FAM169A: variants seen among roughly 807,000 people sequenced by gnomAD.
FAM169A encodes soluble lamin-associated protein of 75 kDa.
FAM169A carries 24 observed loss-of-function variants against 75.7 expected under a neutral mutation model. That is an observed-to-expected ratio of 0.32 (90% CI 0.23 to 0.45). The LOEUF (loss-of-function observed/expected upper bound fraction) is 0.45, where lower values mean the gene tolerates loss of function less well. Ranked by LOEUF, FAM169A falls within the 20% of genes least tolerant of loss-of-function variation. The probability of loss-of-function intolerance (pLI) is 1.00; values close to 1 mark genes in which losing one functional copy is unlikely to be tolerated. For missense variants in FAM169A, 673 were observed against 784.0 expected (o/e 0.86, Z 1.69); for synonymous variants, 271 against 271.0 (o/e 1.00, Z 0.00).
chr5:74,811,375 C>G (rs1561301800), intron 6 of FAM169A, among the ~76,000 whole-genome samples: 1 of 152,152 alleles, frequency 6.6e-6, no homozygotes, highest in Non-Finnish European at 1.5e-5. Flanking sequence ...CAGTGGATGT[C>G]TTTGCATCTC....
At chr5:74,813,618 G>A (rs977441335) in intron 6 of FAM169A, among the ~76,000 whole-genome samples, 4 of 152,116 alleles carry the variant, frequency 2.6e-5, no homozygotes, top group African/African-American at 9.7e-5. Context: ...GAGCCACTGT[G>A]CCCGGCAATT....
At position 74,796,195 on chromosome 5, in the gene FAM169A, C is replaced by A. The variant is rs1231585210; in HGVS notation, c.1104-9G>T. ...GTGCAGTAGACTCCAATCTAAAAAACAAAAGAAAACCATTCTGACTTGTTT... is the reference window on the plus strand; with the variant it reads ...GTGCAGTAGACTCCAATCTAAAAAAAAAAAGAAAACCATTCTGACTTGTTT... On this transcript the variant is annotated splice_polypyrimidine_tract_variant and intron_variant, in intron 10 of 12. Transcript: ENST00000687041. The A allele has an allele frequency of 6.3e-7, 1 of 1,593,290 alleles. No individual in the cohort carries two copies. The highest frequency in any genetic ancestry group is 1.4e-5 in the African/African-American group (1 of 73,690).
chr5:74,786,548 G>A (rs1455951091), intron 11 of FAM169A, among the ~76,000 whole-genome samples: 1 of 152,170 alleles, frequency 6.6e-6, no homozygotes, highest in Non-Finnish European at 1.5e-5. Context: ...AAGAAGTTTG[G>A]TGACTCTAAA....
chr5:74,824,061 G>A (rs1247135702), intron 5 of FAM169A, among the ~76,000 whole-genome samples: 2 of 151,980 alleles, frequency 1.3e-5, no homozygotes, highest in Admixed American at 1.3e-4. Flanking sequence ...AGTAAATGTG[G>A]ACAAGAAAAA....
At chr5:74,829,927 C>G (rs1337836389) in intron 5 of FAM169A, among the ~76,000 whole-genome samples, 1 of 151,902 alleles carries the variant, frequency 6.6e-6, no homozygotes, top group Admixed American at 6.6e-5. Flanking sequence ...TAGCCGAGGT[C>G]GTGCCACTGT....
At chr5:74,827,298 T>C (rs940053268) in intron 5 of FAM169A, among the ~76,000 whole-genome samples, 4 of 152,136 alleles carry the variant, frequency 2.6e-5, no homozygotes, top group African/African-American at 9.6e-5. Context: ...CTATAATCAA[T>C]CTGGTAACTG....
chr5:74,805,058 A>G, intron 7 of FAM169A, 98 bp downstream of exon 7: 1 of 987,088 alleles, frequency 1.0e-6, no homozygotes, highest in Non-Finnish European at 1.6e-6. Flanking sequence ...CACAACCATT[A>G]TTAGCCTCTG....
At chr5:74,809,349 C>T (rs1469779035) in intron 6 of FAM169A, among the ~76,000 whole-genome samples, 2 of 151,846 alleles carry the variant, frequency 1.3e-5, no homozygotes, top group Non-Finnish European at 2.9e-5. Flanking sequence ...AATCTCAGCA[C>T]TTTGGGAGGC....
At position 74,789,945 on chromosome 5, in the gene FAM169A, T is replaced by C. The variant is rs573048936; in HGVS notation, c.1260+6085A>G. 1.2e-4 allele frequency among the ~76,000 whole-genome samples: 18 copies of C among 152,354 alleles called. 1 individual carries two copies. In the South Asian group the frequency reaches 3.5e-3, roughly 30 times the overall value. On this transcript the variant is annotated intron_variant, in intron 11 of 12. Transcript: ENST00000687041. ...TTGATTATGGGTCATCAAGTCACCA[T>C]GTGACCTGAACTGCCTATCATGAAC...
At chr5:74,847,776 A>C (rs563358341) in intron 1 of FAM169A, among the ~76,000 whole-genome samples, 37 of 152,316 alleles carry the variant, frequency 2.4e-4, no homozygotes, top group Middle Eastern at 3.4e-3. Context: ...GTGATTCTTC[A>C]TTCTCTTTTT....
intron 11 of FAM169A, among the ~76,000 whole-genome samples, chr5:74,794,613 C>CA (rs1746166861): frequency 6.6e-6 from 1 of 151,052 alleles, no homozygotes; most frequent in South Asian, 2.1e-4. Flanking sequence ...CCCGTCTCTA[C>CA]AAAAAATACA....
chr5:74,833,024 A>G (rs1057220261), intron 5 of FAM169A, among the ~76,000 whole-genome samples: 2 of 152,114 alleles, frequency 1.3e-5, no homozygotes, highest in Non-Finnish European at 2.9e-5. Flanking sequence ...AACATGCATA[A>G]TAAGAAGAGC....
chr5:74,819,822 T>C (rs1022106043), intron 5 of FAM169A, among the ~76,000 whole-genome samples: 3 of 152,124 alleles, frequency 2.0e-5, no homozygotes, highest in African/African-American at 7.2e-5. Context: ...ATATTATTCA[T>C]ATAAAATAGA....
At position 74,840,564 on chromosome 5, in the gene FAM169A, C is replaced by G. The variant is rs1010216087; in HGVS notation, c.133-391G>C. Among the ~76,000 whole-genome samples the G allele has an allele frequency of 3.6e-4, 54 of 149,144 alleles. 3 individuals are homozygous for G. The highest frequency in any genetic ancestry group is 2.0e-4 in the East Asian group (1 of 5,076). Reference sequence around the variant, plus strand: ...AAAAAGCAGGCCGGGCACAGTGGCTCACACCTGTAATCCCAGCACTCTGGG... The same window carrying G: ...AAAAAGCAGGCCGGGCACAGTGGCTGACACCTGTAATCCCAGCACTCTGGG... On this transcript the variant is annotated intron_variant, in intron 2 of 12. Coordinates refer to ENST00000687041, the MANE Select transcript of FAM169A (RefSeq NM_001376049.1).
In FAM169A at chr5:74,841,673, C is replaced by T. The variant is rs1296441351; in HGVS notation, c.4G>A (p.Ala2Thr). Residue 2 changes from alanine (A) to threonine (T), a missense_variant, in exon 2 of 13, where the codon GCA becomes ACA. Transcript: ENST00000687041. M[A>T]FPVDMLENCS... ...TTTTCCAGCATATCCACAGGGAATG[C>T]CATCCTCTTTAACAAACAACATGGA... 1 of 1,611,690 alleles carries T rather than the reference C, an allele frequency of 6.2e-7. No homozygotes were observed. The highest frequency in any genetic ancestry group is 1.7e-5 in the Admixed American group (1 of 59,846).
intron 11 of FAM169A, among the ~76,000 whole-genome samples, chr5:74,795,380 A>G (rs1746217078): frequency 1.3e-5 from 2 of 152,292 alleles, no homozygotes; most frequent in South Asian, 4.1e-4. Flanking sequence ...AGAAATAGAG[A>G]ATCTGTGGAA....
intron 1 of FAM169A, among the ~76,000 whole-genome samples, chr5:74,858,404 A>T (rs778319278): frequency 2.6e-5 from 4 of 152,164 alleles, no homozygotes; most frequent in Non-Finnish European, 4.4e-5. Flanking sequence ...ACAAAAAAAC[A>T]AACAAAAACA....
At chr5:74,803,637 G>C (rs916072179) in intron 8 of FAM169A, among the ~76,000 whole-genome samples, 2 of 151,976 alleles carry the variant, frequency 1.3e-5, no homozygotes, top group Non-Finnish European at 2.9e-5. Context: ...CAAAACCCTA[G>C]ACTTCTAGAG....
At chr5:74,818,965 AC>A (rs1338734697) in intron 5 of FAM169A, among the ~76,000 whole-genome samples, 2 of 152,196 alleles carry the variant, frequency 1.3e-5, no homozygotes, top group Non-Finnish European at 2.9e-5. Flanking sequence ...CACGCCTGTA[AC>A]CTCAACACTT....
Sources: allele counts gnomAD v4.1 joint callset (sites outside exome capture counted in the v4.1 genomes callset), GRCh38; gene constraint gnomAD v4.1.1; transcripts MANE v1.5; gene names NCBI Gene and HGNC (gene_info 2026-07-23, HGNC 2026-07-21).